Variants in CHL1 observed in about 807,000 individuals in gnomAD.
CHL1 encodes the protein neural cell adhesion molecule L1-like protein.
Under a neutral mutation model 141.9 loss-of-function variants are expected in CHL1, and 96 were observed. The observed-to-expected ratio is 0.68, with a 90% CI of 0.57 to 0.80. The LOEUF (loss-of-function observed/expected upper bound fraction) is 0.80, where lower values mean the gene tolerates loss of function less well. CHL1 is among the 30% of genes least tolerant of loss of function. The pLI, the probability that CHL1 is intolerant of heterozygous loss-of-function variation, is 0.00. For synonymous variants in CHL1, 613 were observed against 502.2 expected (o/e 1.22, Z -2.95); for missense variants, 1,820 against 1,457.2 (o/e 1.25, Z -4.05).
intron 26 of CHL1, among the ~76,000 whole-genome samples, 187 bp from the exon 27 acceptor site, chr3:401,435 CCTCT>C (rs1664164038): frequency 6.6e-6 from 1 of 152,094 alleles, no homozygotes; most frequent in African/African-American, 2.4e-5. Context: ...CCCAAAATCC[CCTCT>C]CTTTTTTGTT....
chr3:225,963 A>G (rs1001832191), intron 1 of CHL1, among the ~76,000 whole-genome samples: 2 of 151,636 alleles, frequency 1.3e-5, no homozygotes, highest in South Asian at 2.1e-4. Flanking sequence ...GAGCCGAGAT[A>G]GCACCAGTGC....
chr3:294,834 G>C (rs1170017938), intron 2 of CHL1, among the ~76,000 whole-genome samples: 1 of 152,102 alleles, frequency 6.6e-6, no homozygotes, highest in Non-Finnish European at 1.5e-5. Flanking sequence ...AGAATGCATG[G>C]CAATACATGC....
At chr3:381,141 C>T (rs528745977) in intron 16 of CHL1, among the ~76,000 whole-genome samples, 3 of 152,144 alleles carry the variant, frequency 2.0e-5, no homozygotes, top group Non-Finnish European at 4.4e-5. Context: ...TAAAAGAATT[C>T]TGATGTCCCT....
intron 1 of CHL1, chr3:197,291 C>T (rs543483641): frequency 1.3e-3 from 201 of 152,624 alleles, no homozygotes; most frequent in Admixed American, 1.9e-3. Context: ...AGGCCGGATT[C>T]GGACAGCTCG....
chr3:238,725 G>A (rs1351164637), intron 1 of CHL1, among the ~76,000 whole-genome samples: 2 of 150,850 alleles, frequency 1.3e-5, no homozygotes, highest in Non-Finnish European at 2.9e-5. Flanking sequence ...AGGAGTTCGA[G>A]ACCAGCCTAG....
At chr3:211,654 A>G (rs1270062476) in intron 1 of CHL1, among the ~76,000 whole-genome samples, 4 of 152,170 alleles carry the variant, frequency 2.6e-5, no homozygotes, top group Non-Finnish European at 5.9e-5. Context: ...ACATGAGTAG[A>G]TGTTTTCCCC....
Position 349,463 on chromosome 3 carries a change from A to T in CHL1, c.953A>T (p.Tyr318Phe). The T allele has an allele frequency of 6.2e-7, 1 of 1,614,064 alleles. No individual in the cohort carries two copies. The highest frequency in any genetic ancestry group is 8.5e-7 in the Non-Finnish European group (1 of 1,179,916). The change falls in exon 10 of 28, where the codon TAC becomes TTC. Residue 318 changes from tyrosine to phenylalanine, a missense_variant. By Grantham distance (22) the Tyr-to-Phe change is conservative. Coordinates refer to ENST00000256509, the MANE Select transcript of CHL1 (RefSeq NM_006614.4). ...ACTTTGAAGATAGAGAATGTCTCCTACCAGGACAAAGGAAATTATCGCTGC... is the reference window on the plus strand; with the variant it reads ...ACTTTGAAGATAGAGAATGTCTCCTTCCAGGACAAAGGAAATTATCGCTGC... ...GKTLKIENVS[Y>F]QDKGNYRCTA...
chr3:321,273 A>G (rs1461986238), intron 3 of CHL1, among the ~76,000 whole-genome samples: 3 of 151,990 alleles, frequency 2.0e-5, no homozygotes, highest in Non-Finnish European at 2.9e-5. Flanking sequence ...TGACATTTCC[A>G]TTTCTTAAGA....
intron 1 of CHL1, among the ~76,000 whole-genome samples, chr3:198,322 C>G (rs1056000421): frequency 5.3e-5 from 8 of 152,084 alleles, no homozygotes; most frequent in African/African-American, 1.9e-4. Context: ...GGCCGGCGAG[C>G]GGCTGCCCTG....
chr3:209,241 A>G (rs1489557449), intron 1 of CHL1, among the ~76,000 whole-genome samples: 2 of 152,224 alleles, frequency 1.3e-5, no homozygotes, highest in Admixed American at 6.5e-5. Flanking sequence ...GCATAATTAT[A>G]TTATTTCAGC....
chr3:401,525 G>A (rs1709134826), intron 26 of CHL1, 101 bp from the exon 27 acceptor site: 1 of 660,296 alleles, frequency 1.5e-6, no homozygotes. Context: ...AAACATTTGA[G>A]CAATGCTGTT....
intron 2 of CHL1, among the ~76,000 whole-genome samples, chr3:274,725 G>A (rs1695938691): frequency 6.6e-6 from 1 of 152,128 alleles, no homozygotes; most frequent in African/African-American, 2.4e-5. Context: ...ATCTACAGTT[G>A]GATAACTTTT....
At chr3:228,481 A>G (rs1322835779) in intron 1 of CHL1, among the ~76,000 whole-genome samples, 2 of 38,408 alleles carry the variant, frequency 5.2e-5, no homozygotes, top group Non-Finnish European at 9.0e-5. Flanking sequence ...ATATGTGTAC[A>G]CACACACACA....
chr3:330,316 T>C (rs1701336556), intron 5 of CHL1, among the ~76,000 whole-genome samples: 1 of 152,064 alleles, frequency 6.6e-6, no homozygotes. Context: ...TAACAAAACA[T>C]GTTGAATGCA....
chr3:279,673 T>C (rs554809482), intron 2 of CHL1, among the ~76,000 whole-genome samples: 3 of 152,298 alleles, frequency 2.0e-5, no homozygotes, highest in Middle Eastern at 3.4e-3. Flanking sequence ...ACTGCTATTC[T>C]CAAAGGATAG....
At chr3:361,854 A>C in intron 13 of CHL1, 44 bp downstream of exon 13, 1 of 1,275,640 alleles carries the variant, frequency 7.8e-7, no homozygotes, top group Non-Finnish European at 1.1e-6. Context: ...TGTCAATTGT[A>C]GATTTGACCT....
chr3:284,801 T>G (rs9990181), intron 2 of CHL1, among the ~76,000 whole-genome samples: 1 of 151,610 alleles, frequency 6.6e-6, no homozygotes, highest in South Asian at 2.1e-4. Context: ...TCAGTAGATC[T>G]AAGGACATTA....
intron 1 of CHL1, among the ~76,000 whole-genome samples, chr3:243,007 T>C (rs1692812279): frequency 6.6e-6 from 1 of 152,010 alleles, no homozygotes; most frequent in East Asian, 1.9e-4. Flanking sequence ...CTTCATGACA[T>C]GATGGATTTT....
intron 11 of CHL1, among the ~76,000 whole-genome samples, chr3:356,362 T>A (rs1703716748): frequency 6.6e-6 from 1 of 152,222 alleles, no homozygotes; most frequent in Non-Finnish European, 1.5e-5. Flanking sequence ...AAGAACTTTA[T>A]AAAGGAGGTG....
Sources: gnomAD v4.1 joint callset for allele counts (sites outside exome capture counted in the v4.1 genomes callset) on GRCh38, gnomAD v4.1.1 for gene constraint, MANE v1.5 for transcripts, NCBI Gene and HGNC (gene_info 2026-07-23, HGNC 2026-07-21) for gene names.